SLC4A4: variants seen among roughly 807,000 people sequenced by gnomAD.
SLC4A4 encodes solute carrier family 4 member 4.
A neutral mutation model predicts 111.5 loss-of-function variants in SLC4A4; 27 were observed. The observed-to-expected ratio is 0.24, with a 90% CI of 0.18 to 0.33. SLC4A4 has a LOEUF of 0.33. Among genes scored for constraint, SLC4A4 ranks in the 10% least tolerant of loss-of-function variants. The pLI, the probability that SLC4A4 is intolerant of heterozygous loss-of-function variation, is 1.00. For synonymous variants in SLC4A4, 443 were observed against 463.4 expected (o/e 0.96, Z 0.57); for missense variants, 909 against 1,315.5 (o/e 0.69, Z 4.78).
intron 24 of SLC4A4, among the ~76,000 whole-genome samples, 198 bp from the exon 25 acceptor site, chr4:71,566,806 A>G (rs916379255): frequency 2.6e-5 from 4 of 151,676 alleles, no homozygotes; most frequent in Admixed American, 6.6e-5. Flanking sequence ...CATCCCAGAA[A>G]ACCTAAAGTA....
At chr4:71,501,308 C>A (rs1169213078) in intron 16 of SLC4A4, among the ~76,000 whole-genome samples, 1 of 151,826 alleles carries the variant, frequency 6.6e-6, no homozygotes, top group East Asian at 1.9e-4. Context: ...TATTCTGCAA[C>A]TTTACTTAAT....
intron 2 of SLC4A4, among the ~76,000 whole-genome samples, chr4:71,123,065 A>C (rs935336504): frequency 1.3e-5 from 2 of 152,204 alleles, no homozygotes; most frequent in Non-Finnish European, 2.9e-5. Context: ...GCAAAAATAC[A>C]ATACCTGCGA....
rs531293981 is a variant in SLC4A4 at position 71,087,273 on chromosome 4, G to A, written c.-64-5457G>A. 2.7e-4 allele frequency among the ~76,000 whole-genome samples: 41 copies of A among 149,478 alleles called. No homozygotes were observed. The South Asian group carries it at 7.7e-3, about 28-fold the overall frequency. On this transcript the variant is annotated intron_variant, in intron 1 of 26. Transcript: ENST00000649996. ...GATATCCCCTTTATCATTTTTTTTT[G>A]CATCTATTTGAGTCTTCTCTCTTTT...
In SLC4A4 at chr4:71,493,928, TC is replaced by T. The variant is rs533349529; in HGVS notation, c.1975-3572del. ...TTTTCACTCCCACGCATTTCTCAGC[TC>T]ATTGTACTTTTTTTACCCATCACTC... On this transcript the variant is annotated intron_variant, in intron 15 of 25. Transcript: ENST00000264485. 9.2e-5 allele frequency among the ~76,000 whole-genome samples: 14 copies of T among 152,190 alleles called. No individual in the cohort carries two copies. In the East Asian group the frequency reaches 2.7e-3, roughly 29 times the overall value.
At chr4:71,161,599 G>T (rs967925143) in intron 2 of SLC4A4, among the ~76,000 whole-genome samples, 3 of 152,162 alleles carry the variant, frequency 2.0e-5, no homozygotes, top group South Asian at 4.1e-4. Context: ...TAAGCTTCAT[G>T]AGGACAAAGA....
At chr4:71,271,646 AG>A (rs753529002) in intron 3 of SLC4A4, among the ~76,000 whole-genome samples, 10 of 152,204 alleles carry the variant, frequency 6.6e-5, no homozygotes, top group Non-Finnish European at 1.5e-4. Context: ...GCTACAGAGA[AG>A]TGGAGATTTT....
intron 7 of SLC4A4, among the ~76,000 whole-genome samples, chr4:71,419,079 G>A (rs185202107): frequency 7.2e-5 from 11 of 152,284 alleles, no homozygotes; most frequent in South Asian, 4.1e-4. Context: ...GTACCCGGCC[G>A]TGTGAAGTGT....
At chr4:71,345,183 G>A (rs991051834) in intron 4 of SLC4A4, among the ~76,000 whole-genome samples, 7 of 152,108 alleles carry the variant, frequency 4.6e-5, no homozygotes, top group Admixed American at 1.3e-4. Context: ...TGGTGAAGAA[G>A]CCTGTGCTTC....
chr4:71,137,335 T>C (rs1242526572), intron 2 of SLC4A4, among the ~76,000 whole-genome samples: 1 of 152,186 alleles, frequency 6.6e-6, no homozygotes, highest in Non-Finnish European at 1.5e-5. Flanking sequence ...TGATTGCTAA[T>C]CCAAGAAACT....
At chr4:71,127,456 A>G (rs1160165672) in intron 2 of SLC4A4, among the ~76,000 whole-genome samples, 1 of 152,336 alleles carries the variant, frequency 6.6e-6, no homozygotes. Flanking sequence ...TCCCACCCAT[A>G]TATCTTTTGG....
intron 3 of SLC4A4, among the ~76,000 whole-genome samples, chr4:71,316,747 C>G (rs757818710): frequency 1.3e-5 from 2 of 151,948 alleles, no homozygotes; most frequent in Non-Finnish European, 2.9e-5. Context: ...TGTTTCCTTC[C>G]CTGTGTTCCA....
intron 2 of SLC4A4, among the ~76,000 whole-genome samples, chr4:71,130,710 T>C (rs1016557999): frequency 2.6e-5 from 4 of 152,238 alleles, no homozygotes; most frequent in African/African-American, 4.8e-5. Context: ...GTAATGCGTA[T>C]GTATCTTATT....
intron 3 of SLC4A4, among the ~76,000 whole-genome samples, chr4:71,315,146 C>T (rs1232239637): frequency 6.6e-6 from 1 of 152,072 alleles, no homozygotes; most frequent in East Asian, 1.9e-4. Flanking sequence ...GGAAATTTGG[C>T]TGACTTCTTT....
At chr4:71,393,464 G>A (rs4694393) in intron 6 of SLC4A4, among the ~76,000 whole-genome samples, 92,792 of 152,014 alleles carry the variant, frequency 0.61, 30,985 homozygotes, top group Non-Finnish European at 0.75. Flanking sequence ...CGAAGGAGGC[G>A]AAAGACATCA....
At chr4:71,353,433 G>A (rs1333639750) in intron 5 of SLC4A4, among the ~76,000 whole-genome samples, 1 of 152,186 alleles carries the variant, frequency 6.6e-6, no homozygotes, top group African/African-American at 2.4e-5. Context: ...ATTTCCAGAA[G>A]TGGGGAGAAG....
intron 6 of SLC4A4, among the ~76,000 whole-genome samples, chr4:71,364,410 G>A (rs980405337): frequency 2.6e-5 from 4 of 152,170 alleles, no homozygotes; most frequent in East Asian, 3.8e-4. Flanking sequence ...GTGCTTTGGT[G>A]CATTCATACT....
At chr4:71,215,691 C>T (rs907053613) in intron 1 of SLC4A4, among the ~76,000 whole-genome samples, 2 of 152,144 alleles carry the variant, frequency 1.3e-5, no homozygotes, top group Non-Finnish European at 2.9e-5. Flanking sequence ...GTGTTTCATC[C>T]TATGTAAAGT....
Position 71,236,572 on chromosome 4 carries a change from A to G in SLC4A4, c.-1-4A>G. ...CATTCTTTTTTTCTTTTTTATTACT[A>G]TAGGATGGAGGATGAAGCTGTCCTG... On this transcript the variant is annotated splice_polypyrimidine_tract_variant and splice_region_variant and intron_variant, in intron 1 of 25. Coordinates refer to ENST00000264485, the MANE Select transcript of SLC4A4 (RefSeq NM_001098484.3). The G allele has an allele frequency of 5.6e-6, 9 of 1,612,158 alleles. No homozygotes were observed. The highest frequency in any genetic ancestry group is 6.8e-6 in the Non-Finnish European group (8 of 1,178,526).
In SLC4A4 at chr4:71,084,659, G is replaced by GT. The variant is rs1263397295; in HGVS notation, c.-64-8065dup. 2.0e-5 allele frequency among the ~76,000 whole-genome samples: 3 copies of GT among 151,918 alleles called. No individual in the cohort carries two copies. In the East Asian group the frequency reaches 5.8e-4, roughly 29 times the overall value. ...TCTGAGTAAGAACATGCGGTGTTTG[G>GT]TTTTTTGTCCTTGCGATAGTTTGCT... On this transcript the variant is annotated intron_variant, in intron 1 of 26. Transcript: ENST00000649996.
Sources: gnomAD v4.1 joint callset for allele counts (sites outside exome capture counted in the v4.1 genomes callset) on GRCh38, gnomAD v4.1.1 for gene constraint, MANE v1.5 for transcripts, NCBI Gene and HGNC (gene_info 2026-07-23, HGNC 2026-07-21) for gene names.